LIMA1: variants seen among roughly 807,000 people sequenced by gnomAD.
The protein encoded by LIMA1 is LIM domain and actin-binding protein 1.
In LIMA1, 52 loss-of-function variants were observed where a neutral mutation model predicts 62.6. That is an observed-to-expected ratio of 0.83 (90% CI 0.67 to 1.05). The LOEUF is 1.05. Among genes scored for constraint, LIMA1 ranks in the 50% least tolerant of loss-of-function variants. LIMA1 has a pLI of 0.00. For synonymous variants in LIMA1, 302 were observed against 317.8 expected (o/e 0.95, Z 0.53); for missense variants, 780 against 902.2 (o/e 0.86, Z 1.74).
chr12:50,192,236 G>C (rs1381264771), intron 9 of LIMA1, among the ~76,000 whole-genome samples: 1 of 152,010 alleles, frequency 6.6e-6, no homozygotes, highest in Non-Finnish European at 1.5e-5. Flanking sequence ...TTCAAACTGA[G>C]AGTCATTAGT....
intron 9 of LIMA1, chr12:50,187,189 T>G (rs141412098): frequency 7.2e-5 from 11 of 152,352 alleles, no homozygotes; most frequent in Middle Eastern, 3.4e-3. Flanking sequence ...TTCATTTACA[T>G]TCTTTTACCC....
intron 2 of LIMA1, among the ~76,000 whole-genome samples, chr12:50,245,341 A>G (rs1399252928): frequency 1.3e-5 from 2 of 149,372 alleles, no homozygotes; most frequent in African/African-American, 4.9e-5. Context: ...TGAGCCTGGG[A>G]GGTCGAGTCT....
chr12:50,252,451 C>G (rs774982948), intron 1 of LIMA1, among the ~76,000 whole-genome samples: 1 of 151,882 alleles, frequency 6.6e-6, no homozygotes, highest in Non-Finnish European at 1.5e-5. Flanking sequence ...CGTGGTGGCA[C>G]GCGCCTGTAA....
chr12:50,188,961 G>C (rs1337329130), intron 9 of LIMA1: 1 of 152,232 alleles, frequency 6.6e-6, no homozygotes, highest in African/African-American at 2.4e-5. Context: ...CATCTAGGCA[G>C]CATTGCTGTC....
chr12:50,271,047 G>C (rs1214312670), intron 1 of LIMA1, among the ~76,000 whole-genome samples: 1 of 151,678 alleles, frequency 6.6e-6, no homozygotes, highest in African/African-American at 2.4e-5. Context: ...AGCCGAGATC[G>C]TGCCACTGCA....
intron 3 of LIMA1, among the ~76,000 whole-genome samples, chr12:50,226,071 G>A (rs1456407927): frequency 6.6e-6 from 1 of 151,978 alleles, no homozygotes; most frequent in Non-Finnish European, 1.5e-5. Flanking sequence ...TTTTGAGACA[G>A]GTTCTTGCTC....
intron 4 of LIMA1, among the ~76,000 whole-genome samples, chr12:50,211,764 A>G (rs1199881440): frequency 1.3e-5 from 2 of 151,484 alleles, no homozygotes; most frequent in East Asian, 3.8e-4. Flanking sequence ...GTTTCCTCCA[A>G]TATTTCTCAA....
chr12:50,192,611 T>C (rs757036378), intron 8 of LIMA1, 50 bp from the exon 9 acceptor site: 4 of 1,410,262 alleles, frequency 2.8e-6, no homozygotes, highest in African/African-American at 1.4e-5. Context: ...ATGGAATGTC[T>C]TGGAAAGTGT....
intron 1 of LIMA1, among the ~76,000 whole-genome samples, chr12:50,255,162 CT>C (rs1334871138): frequency 1.3e-5 from 2 of 151,908 alleles, no homozygotes; most frequent in Admixed American, 6.6e-5. Context: ...GGCCTCCTCT[CT>C]TTTTTTTCTC....
chr12:50,272,342 C>A (rs2138700293), intron 1 of LIMA1, among the ~76,000 whole-genome samples: 1 of 151,946 alleles, frequency 6.6e-6, no homozygotes, highest in African/African-American at 2.4e-5. Flanking sequence ...ATAATCCCAG[C>A]ACTTTGGGAG....
intron 9 of LIMA1, chr12:50,188,240 T>G (rs1048614533): frequency 1.3e-5 from 2 of 152,248 alleles, no homozygotes; most frequent in African/African-American, 2.4e-5. Flanking sequence ...AAATCTATTC[T>G]GAGTGAACAA....
At chr12:50,232,847 C>T (rs898040954) in intron 2 of LIMA1, among the ~76,000 whole-genome samples, 9 of 152,182 alleles carry the variant, frequency 5.9e-5, no homozygotes, top group African/African-American at 2.2e-4. Context: ...ATCAGCCAGG[C>T]ATAGTGGCGC....
At chr12:50,207,188 G>A (rs914091749) in intron 4 of LIMA1, among the ~76,000 whole-genome samples, 41 of 152,132 alleles carry the variant, frequency 2.7e-4, no homozygotes, top group African/African-American at 7.7e-4. Flanking sequence ...GCCTCCCAAA[G>A]TGCTGTGATT....
intron 3 of LIMA1, among the ~76,000 whole-genome samples, chr12:50,228,581 G>A (rs1171942530): frequency 6.6e-6 from 1 of 152,078 alleles, no homozygotes; most frequent in African/African-American, 2.4e-5. Flanking sequence ...CCACTTCTCT[G>A]TCTACACTCA....
At chr12:50,178,978 TTTTTC>T (rs1185239207) in intron 10 of LIMA1, among the ~76,000 whole-genome samples, 7 of 145,276 alleles carry the variant, frequency 4.8e-5, no homozygotes, top group Non-Finnish European at 1.1e-4. Context: ...TTTTTTTTTC[TTTTTC>T]TTTTCTTTTT....
At chr12:50,227,064 T>A (rs1424240676) in intron 3 of LIMA1, among the ~76,000 whole-genome samples, 1 of 151,944 alleles carries the variant, frequency 6.6e-6, no homozygotes, top group East Asian at 1.9e-4. Context: ...ATATAGATTA[T>A]AGTATCAACA....
At position 50,222,503 on chromosome 12, in the gene LIMA1, A is replaced by G; in HGVS notation, c.166-18T>C. ...TCGGTGTTCTAGAAGAACAAGAAGT[A>G]GATGCCAGTTATAACTTGCCTGCTG... On this transcript the variant is annotated intron_variant, in intron 3 of 10. Coordinates refer to ENST00000341247, the MANE Select transcript of LIMA1 (RefSeq NM_016357.5). 6.2e-7 allele frequency: 1 copy of G among 1,613,956 alleles called. No individual in the cohort carries two copies.
At chr12:50,264,907 C>G (rs1338362246) in intron 1 of LIMA1, among the ~76,000 whole-genome samples, 1 of 152,122 alleles carries the variant, frequency 6.6e-6, no homozygotes, top group Non-Finnish European at 1.5e-5. Flanking sequence ...AATCCTAACA[C>G]TTCGGGAGGC....
At chr12:50,209,111 C>T in intron 4 of LIMA1, among the ~76,000 whole-genome samples, 1 of 151,032 alleles carries the variant, frequency 6.6e-6, no homozygotes, top group East Asian at 2.0e-4. Context: ...GTGTGGGCCA[C>T]TGCATCCGGC....
Sources: gnomAD v4.1 joint callset for allele counts (sites outside exome capture counted in the v4.1 genomes callset) on GRCh38, gnomAD v4.1.1 for gene constraint, MANE v1.5 for transcripts, NCBI Gene and HGNC (gene_info 2026-07-23, HGNC 2026-07-21) for gene names.